The following TNIK variants were observed in gnomAD, a reference collection of about 807,000 sequenced individuals.
The protein encoded by TNIK is TRAF2 and NCK interacting kinase.
Under a neutral mutation model 191.3 loss-of-function variants are expected in TNIK, and 49 were observed. That is an observed-to-expected ratio of 0.26 (90% CI 0.20 to 0.32). TNIK has a LOEUF of 0.32. Among genes scored for constraint, TNIK ranks in the 10% least tolerant of loss-of-function variants. The pLI is 1.00. For synonymous variants in TNIK, 594 were observed against 600.9 expected, an observed-to-expected ratio of 0.99 and a Z score of 0.17; for missense variants, 1,155 against 1,702.3, an observed-to-expected ratio of 0.68 and a Z score of 5.66.
intron 28 of TNIK, among the ~76,000 whole-genome samples, chr3:171,075,738 A>T (rs1391678886): frequency 1.4e-5 from 2 of 138,064 alleles, no homozygotes; most frequent in African/African-American, 5.4e-5. Context: ...AAAAGCTGCT[A>T]TTTTTTTTTT....
At chr3:171,246,286 T>TAAA (rs1553868133) in intron 2 of TNIK, among the ~76,000 whole-genome samples, 3 of 112,946 alleles carry the variant, frequency 2.7e-5, no homozygotes, top group African/African-American at 1.1e-4. Context: ...GAGAACCAGA[T>TAAA]AAAAAAAAAA....
intron 18 of TNIK, among the ~76,000 whole-genome samples, chr3:171,111,554 T>C (rs1725862897): frequency 6.6e-6 from 1 of 152,214 alleles, no homozygotes; most frequent in Non-Finnish European, 1.5e-5. Flanking sequence ...CCTTGTACCC[T>C]GTTGGTGAGA....
intron 28 of TNIK, among the ~76,000 whole-genome samples, chr3:171,073,863 ATGG>A (rs924463491): frequency 6.7e-6 from 1 of 150,080 alleles, no homozygotes; most frequent in Non-Finnish European, 1.5e-5. Flanking sequence ...AAAAAAAAAG[ATGG>A]TGGTGAGGCT....
intron 1 of TNIK, among the ~76,000 whole-genome samples, chr3:171,415,415 A>G (rs576628878): frequency 6.6e-6 from 1 of 152,322 alleles, no homozygotes; most frequent in Admixed American, 6.5e-5. Flanking sequence ...GTGACTGACA[A>G]TAGGAAGCTC....
intron 1 of TNIK, among the ~76,000 whole-genome samples, chr3:171,380,025 A>ATG (rs1553765871): frequency 1.5e-5 from 1 of 64,520 alleles, no homozygotes; most frequent in Non-Finnish European, 3.3e-5. Context: ...ACACACACAC[A>ATG]CGCGCACACA....
chr3:171,306,242 C>G (rs911125335), intron 2 of TNIK, among the ~76,000 whole-genome samples: 24 of 151,852 alleles, frequency 1.6e-4, no homozygotes, highest in African/African-American at 5.8e-4. Context: ...GGGAGAAGTT[C>G]AGAAAAAAAA....
At position 171,184,415 on chromosome 3, in the gene TNIK, C is replaced by T. The variant is rs190198528; in HGVS notation, c.639+4287G>A. 3.4e-4 allele frequency among the ~76,000 whole-genome samples: 52 copies of T among 152,308 alleles called. 1 individual carries two copies. The East Asian group carries it at 4.2e-3, about 12-fold the overall frequency. On this transcript the variant is annotated intron_variant, in intron 7 of 32. Coordinates refer to ENST00000436636, the MANE Select transcript of TNIK (RefSeq NM_015028.4). The stretch of plus-strand genomic sequence containing the variant: ...AGGGAAAATATTAGAATAGCTCACT[C>T]TCTTCCCCTGGGTATCAGCATGTTG...
At chr3:171,210,473 A>G (rs945297043) in intron 4 of TNIK, among the ~76,000 whole-genome samples, 2 of 152,216 alleles carry the variant, frequency 1.3e-5, no homozygotes, top group African/African-American at 4.8e-5. Flanking sequence ...TAGACTGTCA[A>G]AGATAAAGGA....
intron 22 of TNIK, among the ~76,000 whole-genome samples, chr3:171,099,911 T>C (rs772233233): frequency 6.6e-6 from 1 of 152,212 alleles, no homozygotes; most frequent in Non-Finnish European, 1.5e-5. Context: ...CATCTTTGGT[T>C]GTTCCTCCAA....
At chr3:171,069,137 T>G in intron 29 of TNIK, 140 bp from the exon 30 acceptor site, 1 of 1,084,978 alleles carries the variant, frequency 9.2e-7, no homozygotes, top group Non-Finnish European at 1.3e-6. Flanking sequence ...GTTTTAGGTC[T>G]GTTGATATTC....
intron 17 of TNIK, among the ~76,000 whole-genome samples, chr3:171,124,785 G>T (rs1728241478): frequency 6.6e-6 from 1 of 152,122 alleles, no homozygotes; most frequent in Non-Finnish European, 1.5e-5. Context: ...CTAAGTTTTT[G>T]AATTCATCTA....
intron 1 of TNIK, among the ~76,000 whole-genome samples, chr3:171,408,432 G>T (rs1373507090): frequency 6.6e-6 from 1 of 152,200 alleles, no homozygotes; most frequent in African/African-American, 2.4e-5. Flanking sequence ...CCAAATGAAG[G>T]TGGCTGGAGG....
intron 4 of TNIK, among the ~76,000 whole-genome samples, chr3:171,206,962 T>C (rs1486949899): frequency 6.6e-6 from 1 of 152,156 alleles, no homozygotes; most frequent in East Asian, 1.9e-4. Flanking sequence ...GTGTGGCTCA[T>C]CTAGAAATAG....
chr3:171,225,772 T>C (rs2108979280), intron 3 of TNIK: 1 of 366,508 alleles, frequency 2.7e-6, no homozygotes, highest in Admixed American at 3.5e-5. Flanking sequence ...GAGTCATACT[T>C]TGAACATCAA....
Position 171,139,415 on chromosome 3 carries a change from A to C in TNIK, c.1419+55T>G, listed in dbSNP as rs202073168. On this transcript the variant is annotated intron_variant, in intron 14 of 32. Transcript: ENST00000436636. ...ACACACACACACACACACACACACAAACACTTGCAAGATGAACACAGAGCA... is the reference window on the plus strand; with the variant it reads ...ACACACACACACACACACACACACACACACTTGCAAGATGAACACAGAGCA... The C allele has an allele frequency of 9.8e-3, 11,493 of 1,174,658 alleles. 66 individuals are homozygous for C. Among genetic ancestry groups the C allele is most frequent in the Non-Finnish European group, 0.011 (9,582 of 833,330 alleles). The allele number at this position is 1,174,658 out of a possible 1,614,324, so 72.8% of individuals were successfully genotyped here.
intron 9 of TNIK, among the ~76,000 whole-genome samples, chr3:171,168,598 T>A (rs774729021): frequency 6.6e-6 from 1 of 152,210 alleles, no homozygotes; most frequent in Non-Finnish European, 1.5e-5. Context: ...TTTTCCGCTC[T>A]AAATTTCTAA....
At chr3:171,310,154 A>T (rs1753865937) in intron 2 of TNIK, among the ~76,000 whole-genome samples, 1 of 152,130 alleles carries the variant, frequency 6.6e-6, no homozygotes, top group Non-Finnish European at 1.5e-5. Flanking sequence ...TAAAAGACAC[A>T]TGCTACTGCC....
chr3:171,426,826 G>A (rs1724699310), intron 1 of TNIK, among the ~76,000 whole-genome samples: 1 of 152,180 alleles, frequency 6.6e-6, no homozygotes, highest in Non-Finnish European at 1.5e-5. Flanking sequence ...GAAAGGAGAG[G>A]TTAAGGTCGC....
intron 1 of TNIK, among the ~76,000 whole-genome samples, chr3:171,426,496 T>C (rs1724640229): frequency 6.6e-6 from 1 of 151,936 alleles, no homozygotes; most frequent in African/African-American, 2.4e-5. Flanking sequence ...ATGGCACATG[T>C]ATACATATGT....
Sources: gnomAD v4.1 joint callset for allele counts (sites outside exome capture counted in the v4.1 genomes callset) on GRCh38, gnomAD v4.1.1 for gene constraint, MANE v1.5 for transcripts, NCBI Gene and HGNC (gene_info 2026-07-23, HGNC 2026-07-21) for gene names.